The following KDM4B variants were observed in gnomAD, a reference collection of about 807,000 sequenced individuals.
KDM4B encodes lysine demethylase 4B.
A neutral mutation model predicts 125.2 loss-of-function variants in KDM4B; 32 were observed. The ratio of observed to expected loss-of-function variants is 0.26; its 90% CI spans 0.19 to 0.34. KDM4B has a LOEUF of 0.34. Among genes scored for constraint, KDM4B ranks in the 10% least tolerant of loss-of-function variants. The pLI is 1.00. For synonymous variants in KDM4B, 721 were observed against 677.9 expected (o/e 1.06, Z -0.99); for missense variants, 1,190 against 1,577.7 (o/e 0.75, Z 4.16).
At chr19:5,037,035 AG>A (rs2036649976) in intron 3 of KDM4B, among the ~76,000 whole-genome samples, 1 of 152,248 alleles carries the variant, frequency 6.6e-6, no homozygotes, top group Non-Finnish European at 1.5e-5. Flanking sequence ...CCGCCGTGGA[AG>A]GGACAGATGA....
chr19:5,076,002 G>A (rs1013426669), intron 7 of KDM4B: 17 of 173,032 alleles, frequency 9.8e-5, no homozygotes, highest in Admixed American at 4.8e-4. Context: ...TGGCTGGTCT[G>A]GTTCTAGAAC....
intron 2 of KDM4B, among the ~76,000 whole-genome samples, chr19:5,030,680 T>G (rs1272854630): frequency 6.6e-6 from 1 of 152,254 alleles, no homozygotes; most frequent in Non-Finnish European, 1.5e-5. Context: ...GGCAGTGCCC[T>G]GGCATAGCAT....
At chr19:4,992,061 A>G (rs1328046969) in intron 1 of KDM4B, among the ~76,000 whole-genome samples, 1 of 152,154 alleles carries the variant, frequency 6.6e-6, no homozygotes, top group Non-Finnish European at 1.5e-5. Context: ...GATGGAGGAC[A>G]AGATCCAAGG....
chr19:5,004,241 T>A (rs1364745160), intron 1 of KDM4B, among the ~76,000 whole-genome samples: 1 of 152,110 alleles, frequency 6.6e-6, no homozygotes, highest in Non-Finnish European at 1.5e-5. Context: ...ACCCCTCCAG[T>A]GCAATGGCCT....
chr19:5,119,516 TCCAGCCAGGA>T, intron 10 of KDM4B, 127 bp from the exon 11 acceptor site: 1 of 886,070 alleles, frequency 1.1e-6, no homozygotes. Flanking sequence ...ACCCCCGGCC[TCCAGCCAGGA>T]GGCCCCCTGC....
At chr19:5,135,611 T>TGGTGGGGGTGCC (rs1232923114) in intron 15 of KDM4B, 50 bp downstream of exon 15, 1 of 1,462,484 alleles carries the variant, frequency 6.8e-7, no homozygotes, top group South Asian at 1.2e-5. Context: ...TTCAGGGTGT[T>TGGTGGGGGTGCC]GGTGGGGGTG....
In KDM4B at chr19:5,035,902, C is replaced by T. The variant is rs1335374204; in HGVS notation, c.141+2871C>T. ...GTGTGCGCGCGCGCGCGCGCCTGCG[C>T]GCACAGGAGACTGAGGTGGGGAGGC... On this transcript the variant is annotated intron_variant, in intron 3 of 22. Coordinates refer to ENST00000159111, the MANE Select transcript of KDM4B (RefSeq NM_015015.3). This position sits in a 1 kb window ranked among gnomAD's most constrained non-coding sequence, Gnocchi z 5.3. Among the ~76,000 whole-genome samples the T allele has an allele frequency of 6.7e-6, 1 of 148,892 alleles. No individual in the cohort carries two copies. The highest frequency in any genetic ancestry group is 1.5e-5 in the Non-Finnish European group (1 of 67,630).
intron 8 of KDM4B, chr19:5,079,244 T>G (rs2038214669): frequency 6.6e-6 from 1 of 152,162 alleles, no homozygotes; most frequent in African/African-American, 2.4e-5. Context: ...CCGTGCCTGG[T>G]GTCTGGGGCC....
chr19:4,974,333 C>A (rs1026721716), intron 1 of KDM4B, among the ~76,000 whole-genome samples: 5 of 149,722 alleles, frequency 3.3e-5, no homozygotes, highest in African/African-American at 1.2e-4. Context: ...ACCCGAGAGG[C>A]GGAGCTTGCA....
In KDM4B at chr19:5,055,325, T is replaced by C. The variant is rs1038302804; in HGVS notation, c.626+7656T>C. ...CTGGCTCCTGGCTCTTGCTGGGAGC[T>C]GGCAGGGACAGACACAGACACACTT... On this transcript the variant is annotated intron_variant, in intron 6 of 22. Transcript: ENST00000159111. Among the ~76,000 whole-genome samples, 4 of 152,266 alleles carry C rather than the reference T, an allele frequency of 2.6e-5. No homozygotes were observed. In the East Asian group the frequency reaches 7.7e-4, roughly 29 times the overall value.
chr19:5,137,836 C>A, intron 17 of KDM4B, 126 bp from the exon 18 acceptor site: 1 of 1,026,648 alleles, frequency 9.7e-7, no homozygotes, highest in Non-Finnish European at 1.4e-6. Flanking sequence ...GGAGCATACG[C>A]CTGCACCGAC....
chr19:5,128,432 TGGGGGGCCTGA>T (rs1043554601), intron 11 of KDM4B, among the ~76,000 whole-genome samples: 51 of 152,190 alleles, frequency 3.4e-4, no homozygotes, highest in Non-Finnish European at 5.7e-4. Flanking sequence ...GGCCCAGCAG[TGGGGGGCCTGA>T]GTCCCAGTCC....
chr19:5,010,325 A>G (rs1326079416), intron 1 of KDM4B, among the ~76,000 whole-genome samples: 2 of 152,206 alleles, frequency 1.3e-5, no homozygotes. Context: ...TGTGCAGTGT[A>G]TCAGGAGGTG....
At chr19:5,109,277 C>A (rs1049756488) in intron 9 of KDM4B, among the ~76,000 whole-genome samples, 7 of 152,192 alleles carry the variant, frequency 4.6e-5, no homozygotes, top group Non-Finnish European at 8.8e-5. Context: ...AGCTTCCTGG[C>A]CGCCTCCTGG....
chr19:5,022,242 C>T (rs927744375), intron 2 of KDM4B, among the ~76,000 whole-genome samples: 2 of 152,248 alleles, frequency 1.3e-5, no homozygotes, highest in African/African-American at 4.8e-5. Flanking sequence ...GAGAGTGTGG[C>T]CCTGGTCCCT....
intron 6 of KDM4B, among the ~76,000 whole-genome samples, chr19:5,067,315 C>T (rs987704734): frequency 5.9e-5 from 9 of 152,198 alleles, no homozygotes; most frequent in African/African-American, 2.2e-4. Context: ...TTCCAGGAGT[C>T]GCTCTTCCTG....
chr19:5,100,410 T>C (rs548525995), intron 9 of KDM4B, among the ~76,000 whole-genome samples: 4 of 152,172 alleles, frequency 2.6e-5, no homozygotes, highest in Non-Finnish European at 4.4e-5. Context: ...TTGTTTTTGT[T>C]GTTGTTGTTG....
intron 9 of KDM4B, among the ~76,000 whole-genome samples, chr19:5,085,881 G>A (rs1402721294): frequency 6.6e-6 from 1 of 152,232 alleles, no homozygotes; most frequent in African/African-American, 2.4e-5. Flanking sequence ...TGGAGAGTCT[G>A]TTAGAGCATC....
chr19:5,056,900 G>A (rs74173037), intron 6 of KDM4B, among the ~76,000 whole-genome samples: 9,821 of 150,474 alleles, frequency 0.065, 451 homozygotes, highest in Middle Eastern at 0.13. Context: ...GGGGAGTCCT[G>A]GGGCGGGGAG....
Sources: allele counts gnomAD v4.1 joint callset (sites outside exome capture counted in the v4.1 genomes callset), GRCh38; gene constraint gnomAD v4.1.1; non-coding constraint Gnocchi (gnomAD v3.1); transcripts MANE v1.5; gene names NCBI Gene and HGNC (gene_info 2026-07-23, HGNC 2026-07-21).